Variants in FYCO1 observed in about 807,000 individuals in gnomAD.
FYCO1 encodes FYVE and coiled-coil domain autophagy adaptor 1, also known as FYVE and coiled-coil domain-containing protein 1.
A neutral mutation model predicts 165.1 loss-of-function variants in FYCO1; 122 were observed. The observed-to-expected ratio is 0.74, with a 90% CI of 0.64 to 0.86. The LOEUF is 0.86. FYCO1 is among the 40% of genes least tolerant of loss of function. The probability of loss-of-function intolerance (pLI) is 0.00; values close to 1 mark genes in which losing one functional copy is unlikely to be tolerated. For missense variants in FYCO1, 1,702 were observed against 1,810.3 expected, an observed-to-expected ratio of 0.94 and a Z score of 1.09; for synonymous variants, 648 against 742.5, an observed-to-expected ratio of 0.87 and a Z score of 2.07.
Position 45,949,580 on chromosome 3 carries a change from T to C in FYCO1, c.3944+5669A>G, listed in dbSNP as rs1011317333. Among the ~76,000 whole-genome samples the C allele has an allele frequency of 2.4e-4, 37 of 152,292 alleles. 1 individual carries two copies. Among genetic ancestry groups the C allele is most frequent in the African/African-American group, 8.4e-4 (35 of 41,550 alleles). The stretch of plus-strand genomic sequence containing the variant: ...CCCTGTGCAGGGGATGCAGTACCCC[T>C]GACCCAAGCCCTGGTTCACCACCTA... On this transcript the variant is annotated intron_variant, in intron 14 of 17. Transcript: ENST00000296137.
rs1706052929 is a variant in FYCO1 at position 45,966,794 on chromosome 3, T to G, written c.2540A>C (p.Gln847Pro). ...LNRAHVQELL[Q>P]CSEREGALQE... Reference sequence around the variant, plus strand: ...CAGTGCCCCTTCACGCTCCGAGCATTGCAGCAGCTCCTGGACATGGGCTCT... The same window carrying G: ...CAGTGCCCCTTCACGCTCCGAGCATGGCAGCAGCTCCTGGACATGGGCTCT... The change falls in exon 8 of 18, where the codon CAA (glutamine) becomes CCA (proline). Residue 847 changes from glutamine (Q) to proline (P), a missense_variant. Transcript: ENST00000296137. 1 of 1,609,968 alleles carries G rather than the reference T, an allele frequency of 6.2e-7. No individual in the cohort carries two copies. The highest frequency in any genetic ancestry group is 1.3e-5 in the African/African-American group (1 of 74,940).
At position 45,973,238 on chromosome 3, in the gene FYCO1, A is replaced by G; in HGVS notation, c.396-7T>C. The G allele has an allele frequency of 6.2e-7, 1 of 1,613,744 alleles. No individual in the cohort carries two copies. Among genetic ancestry groups the G allele is most frequent in the Non-Finnish European group, 8.5e-7 (1 of 1,179,604 alleles). ...TCTTGCATAGTACCAGTCACTGCAG[A>G]AAAACATGTCAATTATAAGAGTAAT... is the stretch of plus-strand genomic sequence containing the variant. On this transcript the variant is annotated splice_polypyrimidine_tract_variant and splice_region_variant and intron_variant, in intron 5 of 17. Coordinates refer to ENST00000296137, the MANE Select transcript of FYCO1 (RefSeq NM_024513.4).
rs1705759015 is a variant in FYCO1, at chr3:45,962,481, G to A, written c.3270-89C>T. ...CTCACCCAGGACTCTAATGAGGGGT[G>A]CTACTGCCCTCCGCCATGGGGGAGC... On this transcript the variant is annotated intron_variant, in intron 10 of 17. Coordinates refer to ENST00000296137, the MANE Select transcript of FYCO1 (RefSeq NM_024513.4). This position sits in a 1 kb window ranked among gnomAD's most constrained non-coding sequence, Gnocchi z 4.4. 1 of 1,200,248 alleles carries A rather than the reference G, an allele frequency of 8.3e-7. No homozygotes were observed. Among genetic ancestry groups the A allele is most frequent in the East Asian group, 2.3e-5 (1 of 42,994 alleles). 74.3% of individuals were successfully genotyped at this position (1,200,248 alleles called of 1,614,324 possible).
intron 14 of FYCO1, among the ~76,000 whole-genome samples, chr3:45,952,302 C>T (rs1339968500): frequency 3.3e-5 from 5 of 152,028 alleles, no homozygotes; most frequent in Admixed American, 1.3e-4. Context: ...TATTTTTTCC[C>T]GAAGTTTCTT....
intron 4 of FYCO1, among the ~76,000 whole-genome samples, chr3:45,976,859 A>C (rs1402792940): frequency 6.6e-6 from 1 of 152,068 alleles, no homozygotes; most frequent in African/African-American, 2.4e-5. Context: ...AAAGGTGTTA[A>C]CTCTCTTTAA....
chr3:45,967,806 AC>A lies in FYCO1; in HGVS notation c.1527del (p.Arg509SerfsTer3), dbSNP rs1706170356. ...AGGAACTGCAGCTGCCGGGTCAGAG[AC>A]CTGACCTCCTGCTCCAGCAGCTCCT... Reference protein sequence around the residue: ...EEKELLEQEVRSLTRQLQFLE... With the variant: ...EEKELLEQEVXSLTRQLQFLE... On this transcript the variant is annotated frameshift_variant, in exon 8 of 18. Transcript: ENST00000296137. LOFTEE classifies it high-confidence loss of function. 1 of 1,613,656 alleles carries A rather than the reference AC, an allele frequency of 6.2e-7. No individual in the cohort carries two copies. Among genetic ancestry groups the A allele is most frequent in the Non-Finnish European group, 8.5e-7 (1 of 1,179,980 alleles).
rs1475688764 is a variant in FYCO1, at chr3:45,967,582, G to A, written c.1752C>T (p.Ala584=). The A allele has an allele frequency of 2.5e-6, 4 of 1,614,092 alleles. No individual in the cohort carries two copies. Among genetic ancestry groups the A allele is most frequent in the Non-Finnish European group, 3.4e-6 (4 of 1,180,030 alleles). The part of the protein sequence containing the change: ...LVPVNSSLQE[A]WGKPEEEQRG... Reference sequence around the variant, plus strand: ...TCTGCTCCTCCTCTGGCTTCCCCCAGGCCTCTTGCAGACTGGAGTTCACAG... The same window carrying A: ...TCTGCTCCTCCTCTGGCTTCCCCCAAGCCTCTTGCAGACTGGAGTTCACAG... The change falls in exon 8 of 18, where the codon GCC becomes GCT. Residue 584 remains alanine (A), a synonymous_variant. Transcript: ENST00000296137.
intron 2 of FYCO1, among the ~76,000 whole-genome samples, chr3:45,982,215 T>G (rs1401185887): frequency 6.6e-6 from 1 of 152,186 alleles, no homozygotes; most frequent in African/African-American, 2.4e-5. Flanking sequence ...TTTTTCTCAT[T>G]TAATATGGCA....
chr3:45,950,429 G>T (rs1246461945), intron 14 of FYCO1, among the ~76,000 whole-genome samples: 1 of 152,114 alleles, frequency 6.6e-6, no homozygotes, highest in African/African-American at 2.4e-5. Context: ...AGGGGCCCAG[G>T]TGTCCTCCGT....
At position 45,958,619 on chromosome 3, in the gene FYCO1, C is replaced by G; in HGVS notation, c.3588G>C (p.Arg1196Ser). 1 of 1,614,124 alleles carries G rather than the reference C, an allele frequency of 6.2e-7. No homozygotes were observed. The highest frequency in any genetic ancestry group is 1.3e-5 in the African/African-American group (1 of 75,044). Reference protein sequence around the residue: ...FSWMVRRHHCRICGRIFCYYC... With the variant: ...FSWMVRRHHCSICGRIFCYYC... ...AGTAACAGAAGATGCGGCCACATATCCTGGGAACAAAACAAGCCCAGGCTG... is the reference window on the plus strand; with the variant it reads ...AGTAACAGAAGATGCGGCCACATATGCTGGGAACAAAACAAGCCCAGGCTG... The change falls in exon 13 of 18, where the codon AGG (arginine) becomes AGC (serine). Residue 1196 changes from arginine (R) to serine (S), a missense_variant and splice_region_variant. Coordinates refer to ENST00000296137, the MANE Select transcript of FYCO1 (RefSeq NM_024513.4).
chr3:45,984,612 C>T lies in FYCO1; in HGVS notation c.55+244G>A, dbSNP rs555360275. 1.4e-4 allele frequency: 89 copies of T among 615,538 alleles called. 1 individual carries two copies. The highest frequency in any genetic ancestry group is 1.3e-3 in the Middle Eastern group (3 of 2,316). 38.1% of individuals were successfully genotyped at this position (615,538 alleles called of 1,614,324 possible). On this transcript the variant is annotated intron_variant, in intron 2 of 17. Transcript: ENST00000296137. ...TGGAAATCAGACCCAGTCCTGGAGC[C>T]GGGTGTATGATTTTGTTTACAAACT... is the stretch of plus-strand genomic sequence containing the variant.
chr3:45,959,176 C>G (rs1376906583), intron 12 of FYCO1, among the ~76,000 whole-genome samples: 1 of 152,222 alleles, frequency 6.6e-6, no homozygotes, highest in East Asian at 1.9e-4. Flanking sequence ...ATCCACATCT[C>G]TGTATTTTTT....
At chr3:45,944,196 CTGTGTGTGTG>C (rs10562426) in intron 14 of FYCO1, among the ~76,000 whole-genome samples, 1 of 149,946 alleles carries the variant, frequency 6.7e-6, no homozygotes, top group Non-Finnish European at 1.5e-5. Flanking sequence ...GCGTGTGTGT[CTGTGTGTGTG>C]TGTGTGTGTG....
chr3:45,923,634 C>G, intron 17 of FYCO1, 22 bp downstream of exon 17: 1 of 1,469,912 alleles, frequency 6.8e-7, no homozygotes, highest in Non-Finnish European at 9.5e-7. Context: ...AGACGTGGAG[C>G]TGGTGCCTGA....
At chr3:45,945,865 G>A (rs1032058856) in intron 14 of FYCO1, 1 of 152,312 alleles carries the variant, frequency 6.6e-6, no homozygotes, top group African/African-American at 2.4e-5. Context: ...CAATTGAGGG[G>A]AAGTAAAGGC....
chr3:45,964,998 C>G lies in FYCO1; in HGVS notation c.3150+35G>C. On this transcript the variant is annotated intron_variant, in intron 9 of 17. Coordinates refer to ENST00000296137, the MANE Select transcript of FYCO1 (RefSeq NM_024513.4). The surrounding 1 kb of genome is among the most constrained non-coding windows in gnomAD (Gnocchi z 4.1). Reference sequence around the variant, plus strand: ...GTCCAGTCAAAACCACACCAGATGCCCTCTCCCTGACAGGTCTACACTACC... The same window carrying G: ...GTCCAGTCAAAACCACACCAGATGCGCTCTCCCTGACAGGTCTACACTACC... 1 of 1,557,660 alleles carries G rather than the reference C, an allele frequency of 6.4e-7. No individual in the cohort carries two copies.
intron 15 of FYCO1, among the ~76,000 whole-genome samples, chr3:45,933,603 T>G (rs1176319943): frequency 2.0e-5 from 3 of 152,170 alleles, no homozygotes; most frequent in Admixed American, 6.5e-5. Context: ...CTAAAAAAAC[T>G]GAAAATGATT....
In FYCO1 at chr3:45,967,102, AAT is replaced by A; in HGVS notation, c.2230_2231del (p.Ile744Ter). On this transcript the variant is annotated frameshift_variant, in exon 8 of 18. Coordinates refer to ENST00000296137, the MANE Select transcript of FYCO1 (RefSeq NM_024513.4). LOFTEE classifies it high-confidence loss of function. ...ESQCQQQTQL[I>X]EVLTAEKGQQ... Reference sequence around the variant, plus strand: ...GGCCTTTCTCTGCTGTGAGGACCTCAATCAGCTGGGTCTGCTGCTGGCACTGG... The same window carrying A: ...GGCCTTTCTCTGCTGTGAGGACCTCACAGCTGGGTCTGCTGCTGGCACTGG... 6.2e-7 allele frequency: 1 copy of A among 1,613,972 alleles called. No individual in the cohort carries two copies. The highest frequency in any genetic ancestry group is 1.1e-5 in the South Asian group (1 of 91,080).
At chr3:45,974,505 A>T (rs948367849) in intron 5 of FYCO1, among the ~76,000 whole-genome samples, 3 of 152,232 alleles carry the variant, frequency 2.0e-5, no homozygotes, top group African/African-American at 7.2e-5. Context: ...TCTCTATGCA[A>T]ATCAATCTTT....
Sources: gnomAD v4.1 joint callset for allele counts (sites outside exome capture counted in the v4.1 genomes callset) on GRCh38, gnomAD v4.1.1 for gene constraint, Gnocchi (gnomAD v3.1) non-coding constraint, MANE v1.5 for transcripts, NCBI Gene and HGNC (gene_info 2026-07-23, HGNC 2026-07-21) for gene names.